JPH3: variants seen among roughly 807,000 people sequenced by gnomAD.
JPH3 encodes the protein junctophilin 3.
Under a neutral mutation model 59.6 loss-of-function variants are expected in JPH3, and 11 were observed. The ratio of observed to expected loss-of-function variants is 0.18; its 90% confidence interval spans 0.12 to 0.31. The LOEUF (loss-of-function observed/expected upper bound fraction) is 0.31. Ranked by LOEUF, JPH3 falls within the 10% of genes least tolerant of loss-of-function variation. JPH3 has a pLI of 1.00. For missense variants in JPH3, 1,202 were observed against 1,105.7 expected (o/e 1.09, Z -1.24); for synonymous variants, 673 against 483.6 (o/e 1.39, Z -5.14).
intron 1 of JPH3, among the ~76,000 whole-genome samples, chr16:87,627,262 C>G (rs928778519): frequency 1.3e-5 from 2 of 152,236 alleles, no homozygotes; most frequent in South Asian, 4.1e-4. Context: ...GTTCCTGATG[C>G]AGCTGTTGGG....
At chr16:87,636,700 C>T (rs975363813) in intron 1 of JPH3, among the ~76,000 whole-genome samples, 1 of 152,212 alleles carries the variant, frequency 6.6e-6, no homozygotes, top group Non-Finnish European at 1.5e-5. Flanking sequence ...AGCTATGTTC[C>T]CACCAGGGGC....
intron 1 of JPH3, among the ~76,000 whole-genome samples, chr16:87,628,209 G>A (rs921547097): frequency 6.6e-6 from 1 of 152,270 alleles, no homozygotes; most frequent in Non-Finnish European, 1.5e-5. Context: ...GAGCCTGTGC[G>A]TCTGATCTGC....
intron 2 of JPH3, among the ~76,000 whole-genome samples, chr16:87,667,239 G>A (rs1201198323): frequency 1.3e-5 from 2 of 152,222 alleles, no homozygotes; most frequent in Admixed American, 6.5e-5. Context: ...GGGCCCACCT[G>A]TATAACCGAG....
rs115556369 is a variant in JPH3 at position 87,672,086 on chromosome 16, G to A, written c.1161-12056G>A. On this transcript the variant is annotated intron_variant, in intron 2 of 4. Transcript: ENST00000284262. ...TCAACCGGGGTCTAGGCTCCTCGCCGGGCGGGGTTCACCTGCTATCCCCAG... is the reference window on the plus strand; with the variant it reads ...TCAACCGGGGTCTAGGCTCCTCGCCAGGCGGGGTTCACCTGCTATCCCCAG... 5.0e-3 allele frequency among the ~76,000 whole-genome samples: 764 copies of A among 152,224 alleles called. 12 individuals carry two copies. Among genetic ancestry groups the A allele is most frequent in the African/African-American group, 0.017 (726 of 41,544 alleles).
At chr16:87,694,124 G>A (rs930408315) in intron 4 of JPH3, 5 of 152,790 alleles carry the variant, frequency 3.3e-5, no homozygotes, top group Non-Finnish European at 5.9e-5. Context: ...GGGAGGGGAG[G>A]TGGGCACCCA....
intron 2 of JPH3, chr16:87,683,882 A>C: frequency 2.3e-6 from 1 of 439,174 alleles, no homozygotes; most frequent in Non-Finnish European, 4.1e-6. Context: ...CTGGGATTAC[A>C]GGCGTGAGCC....
At chr16:87,655,091 G>T (rs1271735933) in intron 2 of JPH3, 1 of 152,336 alleles carries the variant, frequency 6.6e-6, no homozygotes, top group African/African-American at 2.4e-5. Context: ...CTCGAGTGGG[G>T]CTCTGCTTGG....
chr16:87,657,817 G>C (rs982729976), intron 2 of JPH3, among the ~76,000 whole-genome samples: 11 of 152,168 alleles, frequency 7.2e-5, no homozygotes, highest in Non-Finnish European at 1.5e-4. Context: ...ACTCGGTTAC[G>C]TGACCACACC....
intron 1 of JPH3, among the ~76,000 whole-genome samples, chr16:87,635,700 C>G (rs1453426653): frequency 1.3e-5 from 2 of 152,226 alleles, no homozygotes; most frequent in Non-Finnish European, 2.9e-5. Flanking sequence ...CTCATCCGCT[C>G]TCTGCGAGTC....
At chr16:87,672,367 A>AC (rs2033039689) in intron 2 of JPH3, among the ~76,000 whole-genome samples, 1 of 151,794 alleles carries the variant, frequency 6.6e-6, no homozygotes, top group African/African-American at 2.4e-5. Flanking sequence ...CTGCTCCCAG[A>AC]CCCCCGCTGA....
rs1186110272 is a variant in JPH3, at chr16:87,611,053, A to G, written c.382+7525A>G. Among the ~76,000 whole-genome samples the G allele has an allele frequency of 6.6e-6, 1 of 152,224 alleles. No homozygotes were observed. The highest frequency in any genetic ancestry group is 2.4e-5 in the African/African-American group (1 of 41,462). ...CAACCTCAGTGAATCAGCCTTAAGT[A>G]TTTGCTGAGCATTGAGTATGTACGC... On this transcript the variant is annotated intron_variant, in intron 1 of 4. Coordinates refer to ENST00000284262, the MANE Select transcript of JPH3 (RefSeq NM_020655.4). This position sits in a 1 kb window ranked among gnomAD's most constrained non-coding sequence, Gnocchi z 4.5.
chr16:87,602,412 CCGGGGGCGGGGGCGGGGG>C (rs1319975421), upstream of JPH3, among the ~76,000 whole-genome samples: 3 of 26,206 alleles, frequency 1.1e-4, no homozygotes, highest in African/African-American at 4.2e-4. Context: ...CCGCCGCGCT[CCGGGGGCGGGGGCGGGGG>C]CGGGGGCGGG....
At chr16:87,682,681 G>A (rs971959178) in intron 2 of JPH3, among the ~76,000 whole-genome samples, 8 of 152,182 alleles carry the variant, frequency 5.3e-5, no homozygotes, top group South Asian at 2.1e-4. Context: ...CCCAAGCTGC[G>A]GTGCTTTGTT....
At position 87,633,949 on chromosome 16, in the gene JPH3, A is replaced by C. The variant is rs145523633; in HGVS notation, c.383-10309A>C. Among the ~76,000 whole-genome samples the C allele has an allele frequency of 2.8e-3, 422 of 152,302 alleles. 2 individuals are homozygous for C. The highest frequency in any genetic ancestry group is 4.7e-3 in the Admixed American group (72 of 15,304). On this transcript the variant is annotated intron_variant, in intron 1 of 4. Coordinates refer to ENST00000284262, the MANE Select transcript of JPH3 (RefSeq NM_020655.4). ...ATTCTAGGAATTTATCCTAAGGATA[A>C]ATTTTAATGTCATATGAAGATTAGC...
intron 2 of JPH3, among the ~76,000 whole-genome samples, chr16:87,649,701 G>T (rs1418614191): frequency 6.6e-6 from 1 of 152,174 alleles, no homozygotes; most frequent in Non-Finnish European, 1.5e-5. Context: ...AGCTGGGGGC[G>T]ATGGGGCAGA....
chr16:87,630,273 C>T (rs955951960), intron 1 of JPH3, among the ~76,000 whole-genome samples: 4 of 152,204 alleles, frequency 2.6e-5, no homozygotes, highest in Non-Finnish European at 4.4e-5. Flanking sequence ...ACCTCCCACC[C>T]TAGGGGGATG....
intron 1 of JPH3, among the ~76,000 whole-genome samples, chr16:87,637,881 G>A (rs1387336345): frequency 6.6e-6 from 1 of 152,048 alleles, no homozygotes; most frequent in Non-Finnish European, 1.5e-5. Context: ...GGTGTTCTGT[G>A]TTGTCAGAGC....
intron 2 of JPH3, among the ~76,000 whole-genome samples, chr16:87,667,827 G>T (rs13333847): frequency 0.46 from 69,678 of 151,776 alleles, 16,249 homozygotes; most frequent in East Asian, 0.54. Flanking sequence ...GTTTTGTTTT[G>T]TTTTGTTTTT....
intron 1 of JPH3, chr16:87,604,474 C>T (rs1003370335): frequency 3.7e-6 from 5 of 1,357,762 alleles, no homozygotes; most frequent in Non-Finnish European, 3.9e-6. Context: ...CTGGCTTCCC[C>T]GACCAGTCCA....
Sources: allele counts gnomAD v4.1 joint callset (sites outside exome capture counted in the v4.1 genomes callset), GRCh38; gene constraint gnomAD v4.1.1; non-coding constraint Gnocchi (gnomAD v3.1); transcripts MANE v1.5; gene names NCBI Gene and HGNC (gene_info 2026-07-23, HGNC 2026-07-21).